Variants in IQCJ observed in about 807,000 individuals in gnomAD.
IQCJ encodes the protein IQ motif containing J, also known as IQ domain-containing protein J.
Under a neutral mutation model 11.0 loss-of-function variants are expected in IQCJ, and 9 were observed. That is an observed-to-expected ratio of 0.82 (90% confidence interval 0.49 to 1.43). The LOEUF is 1.43. Ranked by LOEUF, IQCJ falls within the 40% of genes most tolerant of loss-of-function variation. The pLI, the probability that IQCJ is intolerant of heterozygous loss-of-function variation, is 0.00. For synonymous variants in IQCJ, 55 were observed against 51.3 expected (o/e 1.07, Z -0.31); for missense variants, 146 against 133.2 (o/e 1.10, Z -0.47).
At chr3:159,188,398 G>A (rs1315477416) in intron 1 of IQCJ, among the ~76,000 whole-genome samples, 1 of 152,034 alleles carries the variant, frequency 6.6e-6, no homozygotes, top group Non-Finnish European at 1.5e-5. Context: ...CAACAAGAGT[G>A]AAACTCTATC....
At chr3:159,229,677 T>C in intron 1 of IQCJ, among the ~76,000 whole-genome samples, 1 of 136,234 alleles carries the variant, frequency 7.3e-6, no homozygotes, top group African/African-American at 2.8e-5. Context: ...GTGTTGTGGC[T>C]TCTACTCAAC....
At chr3:159,121,930 T>G (rs1309543714) in intron 1 of IQCJ, among the ~76,000 whole-genome samples, 3 of 152,188 alleles carry the variant, frequency 2.0e-5, no homozygotes. Flanking sequence ...TATTATACAT[T>G]TAGACTATGT....
chr3:159,263,434 T>C lies in IQCJ; in HGVS notation c.*703T>C, dbSNP rs1213576101. On this transcript the variant is annotated 3_prime_UTR_variant, in exon 4 of 4. Transcript: ENST00000397832. Reference sequence around the variant, plus strand: ...AGAGTTAAGGAATAAGGGAATCTGCTGGAAGTCTTTATTTTTAAAAAACAC... The same window carrying C: ...AGAGTTAAGGAATAAGGGAATCTGCCGGAAGTCTTTATTTTTAAAAAACAC... 1 of 983,900 alleles carries C rather than the reference T, an allele frequency of 1.0e-6. No individual in the cohort carries two copies. The allele number at this position is 983,900 out of a possible 1,614,324, so 60.9% of individuals were successfully genotyped here. A position where few individuals can be genotyped will look rare whatever the true frequency, so the allele number is the denominator to read the frequency against.
intron 1 of IQCJ, among the ~76,000 whole-genome samples, chr3:159,094,123 C>G (rs1717543487): frequency 6.6e-6 from 1 of 151,814 alleles, no homozygotes; most frequent in Admixed American, 6.6e-5. Flanking sequence ...TGTCCAAAAT[C>G]TATGCTCCTA....
chr3:159,166,468 T>C (rs1722171802), intron 1 of IQCJ, among the ~76,000 whole-genome samples: 1 of 152,328 alleles, frequency 6.6e-6, no homozygotes, highest in African/African-American at 2.4e-5. Flanking sequence ...GTTAAAATTA[T>C]GTTGGGACAA....
intron 1 of IQCJ, among the ~76,000 whole-genome samples, chr3:159,242,081 G>A (rs1726957663): frequency 6.6e-6 from 1 of 152,144 alleles, no homozygotes; most frequent in Admixed American, 6.5e-5. Context: ...GAAGATAAAT[G>A]ATCTAAAAGG....
intron 1 of IQCJ, among the ~76,000 whole-genome samples, chr3:159,142,465 G>T (rs1027726397): frequency 8.6e-5 from 13 of 151,966 alleles, no homozygotes; most frequent in African/African-American, 2.9e-4. Context: ...CACCCAGGCT[G>T]GAGTGCAGTG....
chr3:159,131,627 T>C (rs1719995045), intron 1 of IQCJ, among the ~76,000 whole-genome samples: 2 of 152,134 alleles, frequency 1.3e-5, no homozygotes, highest in African/African-American at 4.8e-5. Flanking sequence ...AGCTGTCTAC[T>C]GTTGTAAGTT....
At chr3:159,230,715 T>A (rs559317531) in intron 1 of IQCJ, among the ~76,000 whole-genome samples, 2 of 152,344 alleles carry the variant, frequency 1.3e-5, no homozygotes, top group South Asian at 2.1e-4. Flanking sequence ...AGTACTTTTT[T>A]AAAAACTTTA....
At chr3:159,223,889 T>C (rs1408693582) in intron 1 of IQCJ, among the ~76,000 whole-genome samples, 2 of 152,062 alleles carry the variant, frequency 1.3e-5, no homozygotes, top group South Asian at 2.1e-4. Flanking sequence ...CACAAATGAA[T>C]TTGTGTTTAG....
intron 1 of IQCJ, among the ~76,000 whole-genome samples, chr3:159,206,265 T>A (rs1445372968): frequency 6.6e-6 from 1 of 152,222 alleles, no homozygotes; most frequent in Non-Finnish European, 1.5e-5. Context: ...AGCAATTTCT[T>A]CCTTTTCCGT....
At chr3:159,250,248 A>G (rs112572082) in intron 2 of IQCJ, among the ~76,000 whole-genome samples, 2,409 of 152,224 alleles carry the variant, frequency 0.016, 80 homozygotes, top group African/African-American at 0.055. Context: ...TATAAATAAT[A>G]CCCCCAAATT....
rs565281011 is a variant in IQCJ at position 159,162,027 on chromosome 3, G to T, written c.10-83816G>T. 1.3e-4 allele frequency among the ~76,000 whole-genome samples: 20 copies of T among 152,178 alleles called. No homozygotes were observed. In the East Asian group the frequency reaches 3.5e-3, roughly 26 times the overall value. The stretch of plus-strand genomic sequence containing the variant: ...TTGGCGACACGGGCTCTTTTTTGGT[G>T]CCATATGAACTTTAAAGAAGTTTTT... On this transcript the variant is annotated intron_variant, in intron 1 of 3. Coordinates refer to ENST00000397832, the MANE Select transcript of IQCJ (RefSeq NM_001042706.3).
rs1727220509 is a variant in IQCJ, at chr3:159,245,571, C to T, written c.10-272C>T. ...CCGCCTCCTGGGTTCACGCCATTCT[C>T]CTGCCTCAGCCTCCCAAGTAGCTGG... is the stretch of plus-strand genomic sequence containing the variant. On this transcript the variant is annotated intron_variant, in intron 1 of 3. Transcript: ENST00000397832. Among the ~76,000 whole-genome samples, 6 of 150,770 alleles carry T rather than the reference C, an allele frequency of 4.0e-5. 1 individual carries two copies. In the South Asian group the frequency reaches 1.3e-3, roughly 32 times the overall value.
chr3:159,155,287 A>G (rs951985974), intron 1 of IQCJ, among the ~76,000 whole-genome samples: 5 of 152,054 alleles, frequency 3.3e-5, no homozygotes, highest in African/African-American at 1.2e-4. Flanking sequence ...TCTCCTGAGT[A>G]GCTGGGACTA....
chr3:159,182,210 T>TA (rs201719548), intron 1 of IQCJ, among the ~76,000 whole-genome samples: 7,302 of 151,570 alleles, frequency 0.048, 670 homozygotes, highest in African/African-American at 0.17. Flanking sequence ...TATACTTTTT[T>TA]TAAAAAAAAC....
At chr3:159,265,211 T>C, downstream of IQCJ, 1 of 1,612,784 alleles carries the variant, frequency 6.2e-7, no homozygotes, top group Non-Finnish European at 8.5e-7. Flanking sequence ...GCTGTGATCA[T>C]CAGTTTGCCA....
intron 1 of IQCJ, among the ~76,000 whole-genome samples, chr3:159,105,960 TAGA>T (rs1718229580): frequency 6.6e-6 from 1 of 151,802 alleles, no homozygotes; most frequent in African/African-American, 2.4e-5. Flanking sequence ...GAAAAAAGAG[TAGA>T]AGGAGAGTGA....
At chr3:159,136,354 T>G (rs1720289507) in intron 1 of IQCJ, among the ~76,000 whole-genome samples, 1 of 152,156 alleles carries the variant, frequency 6.6e-6, no homozygotes, top group African/African-American at 2.4e-5. Flanking sequence ...AACTTTGAAT[T>G]GAATTCGATG....
Sources: gnomAD v4.1 joint callset for allele counts (sites outside exome capture counted in the v4.1 genomes callset) on GRCh38, gnomAD v4.1.1 for gene constraint, MANE v1.5 for transcripts, NCBI Gene and HGNC (gene_info 2026-07-23, HGNC 2026-07-21) for gene names.